Variants in TENM3 observed in about 807,000 individuals in gnomAD.
The protein encoded by TENM3 is teneurin-3.
Under a neutral mutation model 255.1 loss-of-function variants are expected in TENM3, and 63 were observed. The ratio of observed to expected loss-of-function variants is 0.25; its 90% CI spans 0.20 to 0.30. The LOEUF is 0.30. Among genes scored for constraint, TENM3 ranks in the 10% least tolerant of loss-of-function variants. The pLI is 1.00. For missense variants in TENM3, 2,929 were observed against 3,461.1 expected, an observed-to-expected ratio of 0.85 and a Z score of 3.86; for synonymous variants, 1,306 against 1,322.3, an observed-to-expected ratio of 0.99 and a Z score of 0.27.
rs569422133 is a variant in TENM3 at position 182,681,014 on chromosome 4, C to T, written c.1834+277C>T. The stretch of plus-strand genomic sequence containing the variant: ...TTTATGCCTTGAAACTAACAGCGGA[C>T]GGTTGATTTTATTTTTCTTTTTATA... On this transcript the variant is annotated intron_variant, in intron 10 of 27. Transcript: ENST00000511685. Among the ~76,000 whole-genome samples the T allele has an allele frequency of 6.0e-4, 91 of 152,208 alleles. 1 individual carries two copies. The Middle Eastern group carries it at 0.01, about 17-fold the overall frequency.
intron 3 of TENM3, among the ~76,000 whole-genome samples, chr4:182,519,989 A>G (rs546358685): frequency 4.6e-5 from 7 of 152,216 alleles, no homozygotes; most frequent in African/African-American, 1.7e-4. Context: ...AATTTATTGA[A>G]GAGGTATAGG....
At chr4:181,922,358 T>C in the TENM3 span, among the ~76,000 whole-genome samples, 3 of 152,236 alleles carry the variant, frequency 2.0e-5, no homozygotes, top group African/African-American at 7.2e-5. Context: ...TGAATCCATC[T>C]GGTCCTGGAC....
At chr4:182,170,260 C>T (rs959215592) in intron 1 of TENM3, among the ~76,000 whole-genome samples, 1 of 151,958 alleles carries the variant, frequency 6.6e-6, no homozygotes, top group Non-Finnish European at 1.5e-5. Context: ...ATAGAATGTA[C>T]CTCTGAACTG....
At chr4:182,430,782 C>T (rs1580513081) in intron 3 of TENM3, among the ~76,000 whole-genome samples, 1 of 151,762 alleles carries the variant, frequency 6.6e-6, no homozygotes, top group Non-Finnish European at 1.5e-5. Flanking sequence ...GGAGCCGAGG[C>T]GGGCGGATCA....
chr4:182,240,598 G>A (rs939769229), upstream of TENM3, among the ~76,000 whole-genome samples: 37 of 152,270 alleles, frequency 2.4e-4, no homozygotes, highest in African/African-American at 8.2e-4. Context: ...GTTATCTTGC[G>A]TGCACTTTGA....
rs1216737707 is a variant in TENM3 at position 182,330,918 on chromosome 4, C to A, written c.232+6666C>A. Among the ~76,000 whole-genome samples the A allele has an allele frequency of 5.3e-5, 8 of 152,262 alleles. No homozygotes were observed. In the East Asian group the frequency reaches 1.5e-3, roughly 29 times the overall value. On this transcript the variant is annotated intron_variant, in intron 2 of 27. Transcript: ENST00000511685. ...GGAAAGTAGAAAAGTAAAAGTGTTC[C>A]AAATTCTCATCTCATCTGAAGAGGG...
At chr4:182,157,256 C>G (rs1901059) in intron 1 of TENM3, among the ~76,000 whole-genome samples, 1,852 of 152,292 alleles carry the variant, frequency 0.012, 13 homozygotes, top group Non-Finnish European at 0.019. Flanking sequence ...TCCTTTCCCC[C>G]CAACCCAGTC....
the TENM3 span, among the ~76,000 whole-genome samples, chr4:181,691,239 G>A: frequency 1.6e-5 from 1 of 64,168 alleles, no homozygotes; most frequent in Admixed American, 1.5e-4. Flanking sequence ...ATGATCTTGT[G>A]TGTGTGTGTG....
At chr4:181,887,574 C>T in the TENM3 span, among the ~76,000 whole-genome samples, 3 of 152,158 alleles carry the variant, frequency 2.0e-5, no homozygotes, top group Admixed American at 6.5e-5. Flanking sequence ...ATTCTGGCTG[C>T]AACCACAACT....
upstream of TENM3, among the ~76,000 whole-genome samples, chr4:182,242,369 C>CCCTA (rs1396317369): frequency 2.0e-5 from 3 of 152,084 alleles, no homozygotes; most frequent in African/African-American, 7.2e-5. Context: ...TCATCCACAT[C>CCCTA]CCTACAAAGG....
intron 1 of TENM3, among the ~76,000 whole-genome samples, chr4:182,316,143 A>G (rs995957787): frequency 2.6e-5 from 4 of 152,064 alleles, no homozygotes; most frequent in African/African-American, 9.7e-5. Flanking sequence ...GGTGGATTTT[A>G]TCTTGTTGAA....
At chr4:182,523,441 C>T (rs1234585240) in intron 3 of TENM3, among the ~76,000 whole-genome samples, 1 of 152,082 alleles carries the variant, frequency 6.6e-6, no homozygotes, top group African/African-American at 2.4e-5. Context: ...ATGTAAGGTT[C>T]CTTTGTGCAT....
At chr4:181,522,926 CAGAA>C in the TENM3 span, 1 of 854,474 alleles carries the variant, frequency 1.2e-6, no homozygotes, top group African/African-American at 1.7e-5. Flanking sequence ...TGGTTATTTC[CAGAA>C]AGAAGAGAAT....
At chr4:181,516,016 T>C in the TENM3 span, among the ~76,000 whole-genome samples, 1 of 152,176 alleles carries the variant, frequency 6.6e-6, no homozygotes, top group Non-Finnish European at 1.5e-5. Flanking sequence ...TATGCAGCCA[T>C]AAAAAGAAAC....
At chr4:181,801,531 T>C in the TENM3 span, among the ~76,000 whole-genome samples, 1 of 151,750 alleles carries the variant, frequency 6.6e-6, no homozygotes, top group Admixed American at 6.6e-5. Flanking sequence ...GTGTTATACT[T>C]TTATTAAAAT....
chr4:182,301,905 G>C (rs1761876685), intron 1 of TENM3, among the ~76,000 whole-genome samples: 2 of 152,196 alleles, frequency 1.3e-5, no homozygotes, highest in African/African-American at 4.8e-5. Flanking sequence ...CAGTTCTGCA[G>C]AAGGGCAAGC....
chr4:182,288,643 C>T (rs1760907489), intron 1 of TENM3, among the ~76,000 whole-genome samples: 1 of 152,150 alleles, frequency 6.6e-6, no homozygotes, highest in Non-Finnish European at 1.5e-5. Context: ...CTAGGTACTG[C>T]CATTTCCATG....
the TENM3 span, among the ~76,000 whole-genome samples, chr4:181,460,008 G>A: frequency 6.6e-6 from 1 of 151,748 alleles, no homozygotes; most frequent in South Asian, 2.1e-4. Context: ...ATGTTTTGCA[G>A]TTTTTGGTGT....
chr4:181,935,382 C>A, the TENM3 span, among the ~76,000 whole-genome samples: 15 of 152,242 alleles, frequency 9.9e-5, no homozygotes, highest in African/African-American at 2.4e-5. Flanking sequence ...GAGCTATAAG[C>A]CACCATAGCC....
Sources: allele counts gnomAD v4.1 joint callset (sites outside exome capture counted in the v4.1 genomes callset), GRCh38; gene constraint gnomAD v4.1.1; transcripts MANE v1.5; gene names NCBI Gene and HGNC (gene_info 2026-07-23, HGNC 2026-07-21).